DCHS2: variants seen among roughly 807,000 people sequenced by gnomAD.
DCHS2 encodes the protein dachsous cadherin-related 2.
DCHS2 carries 142 observed loss-of-function variants against 182.4 expected under a neutral mutation model. The ratio of observed to expected loss-of-function variants is 0.78; its 90% CI spans 0.68 to 0.89. DCHS2 has a LOEUF of 0.89. DCHS2 is among the 40% of genes least tolerant of loss of function. The pLI, the probability that DCHS2 is intolerant of heterozygous loss-of-function variation, is 0.00. For missense variants in DCHS2, 4,319 were observed against 4,198.6 expected (o/e 1.03, Z -0.79); for synonymous variants, 1,740 against 1,663.3 (o/e 1.05, Z -1.12).
chr4:154,256,788 C>CCAT (rs904444601), intron 15 of DCHS2, among the ~76,000 whole-genome samples: 5 of 152,060 alleles, frequency 3.3e-5, no homozygotes, highest in African/African-American at 1.2e-4. Context: ...TAATTTCCTA[C>CCAT]CATCTCAATT....
At chr4:154,439,745 CA>C (rs1215240777) in intron 1 of DCHS2, among the ~76,000 whole-genome samples, 2 of 152,064 alleles carry the variant, frequency 1.3e-5, no homozygotes, top group African/African-American at 2.4e-5. Context: ...GCTTTATTAA[CA>C]AAATGTTAAG....
At chr4:154,302,320 CA>C (rs1178345565) in intron 12 of DCHS2, among the ~76,000 whole-genome samples, 1 of 152,228 alleles carries the variant, frequency 6.6e-6, no homozygotes, top group Non-Finnish European at 1.5e-5. Flanking sequence ...TTGGCATTCC[CA>C]GCGCCTTGCG....
intron 3 of DCHS2, among the ~76,000 whole-genome samples, chr4:154,360,166 C>A (rs544822068): frequency 6.6e-6 from 1 of 152,002 alleles, no homozygotes; most frequent in Non-Finnish European, 1.5e-5. Context: ...ATGTAAGACT[C>A]AAATAGGCAA....
intron 1 of DCHS2, among the ~76,000 whole-genome samples, chr4:154,441,725 T>C (rs924138970): frequency 2.5e-5 from 3 of 119,890 alleles, no homozygotes; most frequent in Non-Finnish European, 5.8e-5. Flanking sequence ...ACGTCACCAT[T>C]TATTAGGCTT....
intron 1 of DCHS2, among the ~76,000 whole-genome samples, chr4:154,471,320 T>C (rs1308575834): frequency 6.6e-6 from 1 of 152,238 alleles, no homozygotes; most frequent in African/African-American, 2.4e-5. Context: ...ATGTGTGTTA[T>C]TTATTGCAGC....
At position 154,341,298 on chromosome 4, in the gene DCHS2, A is replaced by G. The variant is rs189990891; in HGVS notation, c.2477-6194T>C. Among the ~76,000 whole-genome samples, 88 of 148,184 alleles carry G rather than the reference A, an allele frequency of 5.9e-4. 1 individual carries two copies. In the East Asian group the frequency reaches 0.016, roughly 27 times the overall value. On this transcript the variant is annotated intron_variant, in intron 3 of 19. Transcript: ENST00000357232. Reference sequence around the variant, plus strand: ...GCAGGAGAATGGCGTGAACCCGGGAAGTGGAGGCTGCAGTGAGCCGAGACC... The same window carrying G: ...GCAGGAGAATGGCGTGAACCCGGGAGGTGGAGGCTGCAGTGAGCCGAGACC...
intron 1 of DCHS2, among the ~76,000 whole-genome samples, chr4:154,436,101 G>A (rs776017313): frequency 6.6e-6 from 1 of 152,170 alleles, no homozygotes; most frequent in East Asian, 1.9e-4. Context: ...GGGAAATCCT[G>A]TCAGGGGGTT....
intron 1 of DCHS2, among the ~76,000 whole-genome samples, chr4:154,463,783 C>T (rs1198644869): frequency 1.3e-5 from 2 of 151,378 alleles, no homozygotes; most frequent in East Asian, 3.9e-4. Flanking sequence ...TACAATACAA[C>T]AAATTTTTAA....
chr4:154,300,406 G>C (rs542468705), intron 12 of DCHS2, among the ~76,000 whole-genome samples: 1 of 151,020 alleles, frequency 6.6e-6, no homozygotes, highest in Non-Finnish European at 1.5e-5. Context: ...TAGAAAATAG[G>C]ATGGTTCCTG....
chr4:154,366,719 A>G (rs543917845), intron 2 of DCHS2, among the ~76,000 whole-genome samples: 1 of 152,180 alleles, frequency 6.6e-6, no homozygotes, highest in Non-Finnish European at 1.5e-5. Flanking sequence ...ATGAATTCAT[A>G]GGTAACAGCA....
intron 1 of DCHS2, among the ~76,000 whole-genome samples, chr4:154,454,467 C>T (rs1734680588): frequency 6.6e-6 from 1 of 152,096 alleles, no homozygotes; most frequent in Non-Finnish European, 1.5e-5. Context: ...TAACAATCTA[C>T]CTATTAACCC....
At chr4:154,417,185 G>A (rs1732871647) in intron 1 of DCHS2, among the ~76,000 whole-genome samples, 2 of 113,942 alleles carry the variant, frequency 1.8e-5, no homozygotes, top group African/African-American at 7.0e-5. Context: ...GTGTGTGTGT[G>A]TGTGTGTGTG....
At position 154,236,836 on chromosome 4, in the gene DCHS2, G is replaced by A; in HGVS notation, c.7816C>T (p.His2606Tyr). Residue 2606 changes from histidine to tyrosine, a missense_variant, in exon 20 of 20, where the codon CAT becomes TAT. By Grantham distance (83) the His-to-Tyr change is moderately conservative (BLOSUM62 2). Transcript: ENST00000357232. ...NNFHVETKFFHSEYPYKQVGY... is the reference protein window; with the variant it reads ...NNFHVETKFFYSEYPYKQVGY... Reference sequence around the variant, plus strand: ...ACTTGCTTATAAGGATATTCTGAATGAAAGAACTTAGTTTCCACATGAAAA... The same window carrying A: ...ACTTGCTTATAAGGATATTCTGAATAAAAGAACTTAGTTTCCACATGAAAA... The A allele has an allele frequency of 1.2e-6, 2 of 1,614,076 alleles. No homozygotes were observed. The highest frequency in any genetic ancestry group is 1.7e-6 in the Non-Finnish European group (2 of 1,179,974).
chr4:154,425,971 A>G (rs938634334), intron 1 of DCHS2, among the ~76,000 whole-genome samples: 1 of 152,204 alleles, frequency 6.6e-6, no homozygotes, highest in Non-Finnish European at 1.5e-5. Context: ...TTTGGAGCCC[A>G]GGCTACATGG....
At position 154,443,628 on chromosome 4, in the gene DCHS2, C is replaced by T. The variant is rs1035280826; in HGVS notation, c.2052+45676G>A. On this transcript the variant is annotated intron_variant, in intron 1 of 19. Transcript: ENST00000357232. ...TACCCTCTCCACTAGGGCTCTGGGCCCCATCCCATCTCACCTACTCCAGGA... is the reference window on the plus strand; with the variant it reads ...TACCCTCTCCACTAGGGCTCTGGGCTCCATCCCATCTCACCTACTCCAGGA... Among the ~76,000 whole-genome samples, 6 of 152,304 alleles carry T rather than the reference C, an allele frequency of 3.9e-5. No individual in the cohort carries two copies. In the South Asian group the frequency reaches 1.2e-3, roughly 32 times the overall value.
At chr4:154,476,593 C>T (rs1735693832) in intron 1 of DCHS2, among the ~76,000 whole-genome samples, 1 of 152,162 alleles carries the variant, frequency 6.6e-6, no homozygotes, top group African/African-American at 2.4e-5. Context: ...GGCTACCATG[C>T]AGGGCATTTC....
intron 1 of DCHS2, among the ~76,000 whole-genome samples, chr4:154,457,790 C>A (rs528291395): frequency 6.6e-6 from 1 of 152,248 alleles, no homozygotes; most frequent in East Asian, 1.9e-4. Flanking sequence ...CTTTCTACTG[C>A]CAGTTTCTGC....
intron 3 of DCHS2, among the ~76,000 whole-genome samples, chr4:154,348,207 G>C (rs1191875003): frequency 6.6e-6 from 1 of 151,782 alleles, no homozygotes; most frequent in Non-Finnish European, 1.5e-5. Flanking sequence ...TCATTTGAGA[G>C]AATCAACTCT....
Position 154,234,505 on chromosome 4 carries a change from T to C in DCHS2, c.*31A>G. 6.4e-7 allele frequency: 1 copy of C among 1,564,802 alleles called. No homozygotes were observed. The highest frequency in any genetic ancestry group is 8.7e-7 in the Non-Finnish European group (1 of 1,154,712). Reference sequence around the variant, plus strand: ...ATTTTGTTCATTCATTCATGACCAATGGTGAGCAGGTACTTGGCATCCCAG... The same window carrying C: ...ATTTTGTTCATTCATTCATGACCAACGGTGAGCAGGTACTTGGCATCCCAG... On this transcript the variant is annotated 3_prime_UTR_variant, in exon 20 of 20. Coordinates refer to ENST00000357232, the MANE Select transcript of DCHS2 (RefSeq NM_001358235.2).
Sources: allele counts gnomAD v4.1 joint callset (sites outside exome capture counted in the v4.1 genomes callset), GRCh38; gene constraint gnomAD v4.1.1; transcripts MANE v1.5; gene names NCBI Gene and HGNC (gene_info 2026-07-23, HGNC 2026-07-21).